ATL2: variants seen among roughly 807,000 people sequenced by gnomAD.
ATL2 encodes the protein atlastin-2.
Under a neutral mutation model 73.9 loss-of-function variants are expected in ATL2, and 31 were observed. That is an observed-to-expected ratio of 0.42 (90% CI 0.32 to 0.57). The LOEUF is 0.57. Ranked by LOEUF, ATL2 falls within the 20% of genes least tolerant of loss-of-function variation. The pLI is 0.14. For missense variants in ATL2, 738 were observed against 702.6 expected (o/e 1.05, Z -0.57); for synonymous variants, 291 against 237.5 (o/e 1.23, Z -2.07).
At chr2:38,298,104 A>G (rs1212934511) in intron 12 of ATL2, 40 bp downstream of exon 12, 1 of 1,529,678 alleles carries the variant, frequency 6.5e-7, no homozygotes, top group African/African-American at 1.4e-5. Context: ...TCACAGGAAA[A>G]TAAGATTAGT....
At chr2:38,300,382 T>C (rs1196324490) in intron 9 of ATL2, 54 bp from the exon 10 acceptor site, 8 of 1,254,846 alleles carry the variant, frequency 6.4e-6, no homozygotes, top group Non-Finnish European at 9.3e-6. Context: ...TGGCTCCACA[T>C]CCCCAAAGAA....
At chr2:38,348,429 G>A (rs1254696580) in intron 1 of ATL2, among the ~76,000 whole-genome samples, 2 of 151,334 alleles carry the variant, frequency 1.3e-5, no homozygotes, top group African/African-American at 2.4e-5. Context: ...TTGCGCCATT[G>A]CACTCCAGCC....
chr2:38,351,731 G>A (rs1029315868), intron 1 of ATL2, among the ~76,000 whole-genome samples: 2 of 151,882 alleles, frequency 1.3e-5, no homozygotes, highest in East Asian at 1.9e-4. Flanking sequence ...GACCTCAGGC[G>A]ATCCACCCGC....
chr2:38,371,872 G>C (rs561034102), intron 1 of ATL2, among the ~76,000 whole-genome samples: 1 of 152,136 alleles, frequency 6.6e-6, no homozygotes, highest in Admixed American at 6.6e-5. Context: ...ACTCCAGCCT[G>C]GGTGACAGAG....
intron 2 of ATL2, among the ~76,000 whole-genome samples, chr2:38,323,989 C>T (rs928476247): frequency 6.6e-5 from 10 of 152,126 alleles, no homozygotes; most frequent in African/African-American, 2.2e-4. Flanking sequence ...AATTAAGATC[C>T]AAGTGGGCCG....
intron 1 of ATL2, among the ~76,000 whole-genome samples, chr2:38,351,543 G>C (rs982973791): frequency 4.6e-5 from 7 of 150,578 alleles, no homozygotes; most frequent in African/African-American, 1.7e-4. Flanking sequence ...GCCCAGGCTG[G>C]AGTGCAGTGG....
chr2:38,353,774 G>A (rs1003288993), intron 1 of ATL2, among the ~76,000 whole-genome samples: 1 of 152,224 alleles, frequency 6.6e-6, no homozygotes, highest in Admixed American at 6.5e-5. Context: ...CATCATCACT[G>A]AAGCACTGGA....
At chr2:38,327,538 TAC>T (rs1220276101) in intron 2 of ATL2, among the ~76,000 whole-genome samples, 2 of 39,484 alleles carry the variant, frequency 5.1e-5, no homozygotes, top group African/African-American at 3.2e-4. Context: ...AAAAAAAAAG[TAC>T]AAAAAAAAAA....
chr2:38,334,543 A>T (rs1206670539), intron 2 of ATL2, among the ~76,000 whole-genome samples: 1 of 151,612 alleles, frequency 6.6e-6, no homozygotes, highest in African/African-American at 2.4e-5. Context: ...TACTAAAAAT[A>T]CAAAATTAGC....
chr2:38,329,103 A>G (rs1214372803), intron 2 of ATL2, among the ~76,000 whole-genome samples: 2 of 150,398 alleles, frequency 1.3e-5, no homozygotes, highest in African/African-American at 4.9e-5. Context: ...AAACTCACAC[A>G]AGGAGAACTA....
intron 1 of ATL2, among the ~76,000 whole-genome samples, chr2:38,362,172 G>C (rs1050294960): frequency 2.0e-5 from 3 of 152,112 alleles, no homozygotes; most frequent in African/African-American, 4.8e-5. Context: ...GTTTTTGCTT[G>C]GGAAAGGTGG....
chr2:38,376,376 G>A lies in ATL2; in HGVS notation c.118+767C>T, dbSNP rs1463748201. The stretch of plus-strand genomic sequence containing the variant: ...CATTCAGCAAAACCAGGGAGCCAAG[G>A]ATCAGGTGACTTCACACTACAGACA... On this transcript the variant is annotated intron_variant, in intron 1 of 12. Transcript: ENST00000378954. The A allele has an allele frequency of 7.8e-6, 5 of 639,370 alleles. No homozygotes were observed. In the East Asian group the frequency reaches 1.2e-4, roughly 15 times the overall value. 39.6% of individuals were successfully genotyped at this position (639,370 alleles called of 1,614,324 possible).
At chr2:38,348,672 G>A (rs1009135054) in intron 1 of ATL2, among the ~76,000 whole-genome samples, 1 of 150,242 alleles carries the variant, frequency 6.7e-6, no homozygotes, top group Non-Finnish European at 1.5e-5. Flanking sequence ...ATTGACAAAT[G>A]GTATCTAATT....
chr2:38,350,189 A>C (rs1193736215), intron 1 of ATL2, among the ~76,000 whole-genome samples: 1 of 152,222 alleles, frequency 6.6e-6, no homozygotes, highest in Non-Finnish European at 1.5e-5. Context: ...TTCAATGCCA[A>C]AAATTTACTA....
chr2:38,343,177 AAGATATAGTTCTGGTTTTTGTCT>A, intron 2 of ATL2, 68 bp downstream of exon 2: 4 of 541,626 alleles, frequency 7.4e-6, no homozygotes, highest in Non-Finnish European at 1.1e-5. Context: ...AAAAAAAAAA[AAGATATAGTTCTGGTTTTTGTCT>A]ATTTTTTTAA....
rs74258913 is a variant in ATL2 at position 38,332,925 on chromosome 2, C to T, written c.363+10343G>A. ...AATTCTGAAGCCAGGCTCAATGGCA[C>T]ATGTCTTGTAAGTCCCAGCTACTTG... On this transcript the variant is annotated intron_variant, in intron 2 of 12. Coordinates refer to ENST00000378954, the MANE Select transcript of ATL2 (RefSeq NM_001135673.4). Among the ~76,000 whole-genome samples, 1,119 of 152,300 alleles carry T rather than the reference C, an allele frequency of 7.3e-3. 17 individuals carry two copies. The highest frequency in any genetic ancestry group is 0.057 in the East Asian group (298 of 5,190).
chr2:38,376,144 C>T (rs1381555847), intron 1 of ATL2: 1 of 1,530,988 alleles, frequency 6.5e-7, no homozygotes, highest in Admixed American at 2.0e-5. Flanking sequence ...TATTTATAAG[C>T]CTTTGAAAAA....
intron 2 of ATL2, among the ~76,000 whole-genome samples, chr2:38,327,524 TAAAAAAAAAAAAGTACAAAA>T (rs1668732124): frequency 1.7e-4 from 4 of 24,044 alleles, no homozygotes; most frequent in African/African-American, 7.0e-4. Context: ...GAGGGGAATA[TAAAAAAAAAAAAGTACAAAA>T]AAAAAAAAAA....
chr2:38,331,013 C>G (rs1281979400), intron 2 of ATL2, among the ~76,000 whole-genome samples: 1 of 152,164 alleles, frequency 6.6e-6, no homozygotes, highest in Non-Finnish European at 1.5e-5. Flanking sequence ...GGTATAAGAA[C>G]AAGACATGGC....
Sources: allele counts gnomAD v4.1 joint callset (sites outside exome capture counted in the v4.1 genomes callset), GRCh38; gene constraint gnomAD v4.1.1; transcripts MANE v1.5; gene names NCBI Gene and HGNC (gene_info 2026-07-23, HGNC 2026-07-21).